The following SAMMSON variants were observed in gnomAD, a reference collection of about 807,000 sequenced individuals.
SAMMSON encodes the protein survival associated mitochondrial melanoma specific oncogenic non-coding RNA, also known as long intergenic non-protein coding RNA 1212.
chr3:70,176,459 G>A (rs1701011121), intron 4 of SAMMSON, among the ~76,000 whole-genome samples: 1 of 152,084 alleles, frequency 6.6e-6, no homozygotes, highest in Non-Finnish European at 1.5e-5. Flanking sequence ...TCAATGTCTT[G>A]ACCTGACGTG....
chr3:70,260,691 T>C (rs1012495358), intron 6 of SAMMSON, among the ~76,000 whole-genome samples: 4 of 152,112 alleles, frequency 2.6e-5, no homozygotes, highest in African/African-American at 9.7e-5. Flanking sequence ...TCTCTCCAGA[T>C]TCAGCACCTG....
intron 4 of SAMMSON, among the ~76,000 whole-genome samples, chr3:70,242,812 T>A (rs1355383467): frequency 6.6e-6 from 1 of 152,188 alleles, no homozygotes; most frequent in Non-Finnish European, 1.5e-5. Context: ...ATTGGTAATC[T>A]AATTTTTGTC....
chr3:70,128,227 A>G (rs373810333), intron 4 of SAMMSON, among the ~76,000 whole-genome samples: 18 of 152,186 alleles, frequency 1.2e-4, no homozygotes, highest in African/African-American at 3.6e-4. Context: ...TGTCTACACA[A>G]GAAGTGCCTC....
At chr3:70,156,900 T>G (rs1264729016) in intron 4 of SAMMSON, among the ~76,000 whole-genome samples, 3 of 152,122 alleles carry the variant, frequency 2.0e-5, no homozygotes, top group African/African-American at 7.2e-5. Context: ...TACTTAATGT[T>G]TGCAGTATTT....
At chr3:70,409,583 G>A (rs1701202427) in intron 2 of SAMMSON, among the ~76,000 whole-genome samples, 1 of 152,122 alleles carries the variant, frequency 6.6e-6, no homozygotes, top group African/African-American at 2.4e-5. Flanking sequence ...CCTTATCCAT[G>A]TCATTTAACC....
At chr3:70,204,471 C>G (rs1480085450) in intron 4 of SAMMSON, 1 of 152,118 alleles carries the variant, frequency 6.6e-6, no homozygotes, top group Non-Finnish European at 1.5e-5. Flanking sequence ...CTTTTCCTTT[C>G]TCTTTTATCC....
chr3:70,116,524 T>C (rs568194987), intron 4 of SAMMSON, among the ~76,000 whole-genome samples: 1 of 151,998 alleles, frequency 6.6e-6, no homozygotes, highest in East Asian at 1.9e-4. Flanking sequence ...AGTTTTTTTT[T>C]ATTTGGTTCT....
chr3:70,157,160 C>T (rs1299471650), intron 4 of SAMMSON, among the ~76,000 whole-genome samples: 1 of 151,978 alleles, frequency 6.6e-6, no homozygotes, highest in Non-Finnish European at 1.5e-5. Flanking sequence ...TTACTTTTTC[C>T]TAAACATTTT....
chr3:70,291,656 T>A (rs1312003167), intron 7 of SAMMSON, among the ~76,000 whole-genome samples: 1 of 152,200 alleles, frequency 6.6e-6, no homozygotes, highest in Non-Finnish European at 1.5e-5. Flanking sequence ...GCTTCACTCA[T>A]AACAGATTTG....
Position 70,411,052 on chromosome 3 carries a change from T to G in SAMMSON, n.234-51508T>G, listed in dbSNP as rs566116207. On this transcript the variant is annotated intron_variant and non_coding_transcript_variant, in intron 2 of 3. Coordinates refer to the SAMMSON transcript ENST00000641053. Reference sequence around the variant, plus strand: ...TTAGCACAACCGACCATCCTTTTATTTACCCCTACCCCGCGCAATTAGACT... The same window carrying G: ...TTAGCACAACCGACCATCCTTTTATGTACCCCTACCCCGCGCAATTAGACT... 1.1e-4 allele frequency among the ~76,000 whole-genome samples: 16 copies of G among 152,278 alleles called. 1 individual carries two copies. The highest frequency in any genetic ancestry group is 3.4e-3 in the Middle Eastern group (1 of 294).
chr3:70,397,102 T>C (rs1034981106), intron 2 of SAMMSON, among the ~76,000 whole-genome samples: 1 of 152,152 alleles, frequency 6.6e-6, no homozygotes, highest in Admixed American at 6.5e-5. Context: ...ATAGCTAATG[T>C]AATAAAGAAG....
intron 7 of SAMMSON, among the ~76,000 whole-genome samples, chr3:70,292,375 G>A (rs999543839): frequency 2.6e-5 from 4 of 152,024 alleles, no homozygotes; most frequent in African/African-American, 9.7e-5. Context: ...GATATCTTCA[G>A]CTAAATCCAC....
intron 3 of SAMMSON, among the ~76,000 whole-genome samples, chr3:70,018,985 G>T (rs1271158225): frequency 5.3e-5 from 8 of 152,350 alleles, no homozygotes; most frequent in African/African-American, 1.9e-4. Context: ...ATTTGCTGAG[G>T]AGTGCTTTAC....
intron 4 of SAMMSON, among the ~76,000 whole-genome samples, chr3:70,227,849 G>A (rs771581917): frequency 7.2e-5 from 11 of 152,114 alleles, no homozygotes; most frequent in South Asian, 4.1e-4. Context: ...AGTAGTAAGC[G>A]GCAGAGCTGG....
intron 6 of SAMMSON, among the ~76,000 whole-genome samples, chr3:70,289,112 C>G (rs1442891003): frequency 6.6e-6 from 1 of 151,226 alleles, no homozygotes; most frequent in African/African-American, 2.4e-5. Flanking sequence ...TTGATGTTAG[C>G]TGGTGATTTT....
chr3:70,181,311 CAAGTTTTAAGCTAAAGGAATAAAACTA>C (rs1312396094), intron 4 of SAMMSON, among the ~76,000 whole-genome samples: 6 of 152,170 alleles, frequency 3.9e-5, no homozygotes, highest in Non-Finnish European at 8.8e-5. Flanking sequence ...AACAGAGGTT[CAAGTTTTAAGCTAAAGGAATAAAACTA>C]AAGTTTTAAG....
chr3:70,259,420 A>C (rs1049300842), intron 6 of SAMMSON, among the ~76,000 whole-genome samples: 1 of 152,058 alleles, frequency 6.6e-6, no homozygotes, highest in Non-Finnish European at 1.5e-5. Flanking sequence ...GACTTTTAAA[A>C]AAAAAAAAGA....
At chr3:70,107,896 G>T (rs2067373488) in intron 4 of SAMMSON, among the ~76,000 whole-genome samples, 1 of 151,994 alleles carries the variant, frequency 6.6e-6, no homozygotes. Context: ...TAGGTGAGAT[G>T]GGAAGGATAC....
At chr3:70,349,939 G>T (rs765769007) in intron 7 of SAMMSON, among the ~76,000 whole-genome samples, 22 of 151,618 alleles carry the variant, frequency 1.5e-4, no homozygotes, top group South Asian at 2.1e-4. Context: ...GTTTTTTTTT[G>T]AACATGATTG....
Sources: gnomAD v4.1 joint callset for allele counts (sites outside exome capture counted in the v4.1 genomes callset) on GRCh38, gnomAD v4.1.1 for gene constraint, MANE v1.5 for transcripts, NCBI Gene and HGNC (gene_info 2026-07-23, HGNC 2026-07-21) for gene names.